CDH13: variants seen among roughly 807,000 people sequenced by gnomAD.
The protein encoded by CDH13 is cadherin-13.
In CDH13, 24 loss-of-function variants were observed where a neutral mutation model predicts 63.8. The observed-to-expected ratio is 0.38, with a 90% CI of 0.27 to 0.53. The LOEUF is 0.53. CDH13 is among the 20% of genes least tolerant of loss of function. The pLI is 0.85. For synonymous variants in CDH13, 503 were observed against 355.3 expected (o/e 1.42, Z -4.67); for missense variants, 1,049 against 903.1 (o/e 1.16, Z -2.07).
intron 6 of CDH13, among the ~76,000 whole-genome samples, chr16:83,409,097 C>T (rs544897874): frequency 4.6e-5 from 7 of 152,036 alleles, no homozygotes; most frequent in Non-Finnish European, 7.4e-5. Context: ...GTACAGGAAA[C>T]ACCAGTAGAA....
intron 1 of CDH13, among the ~76,000 whole-genome samples, chr16:82,667,395 C>G (rs1597265668): frequency 6.6e-6 from 1 of 152,178 alleles, no homozygotes; most frequent in African/African-American, 2.4e-5. Context: ...AGAGCTTTGT[C>G]CCTGAGAAGC....
At chr16:83,101,095 C>G (rs977805997) in intron 3 of CDH13, among the ~76,000 whole-genome samples, 2 of 151,932 alleles carry the variant, frequency 1.3e-5, no homozygotes, top group East Asian at 1.9e-4. Context: ...GGTCTAGGCA[C>G]AGGGGTACAG....
chr16:82,670,703 T>C (rs1023120973), intron 1 of CDH13, among the ~76,000 whole-genome samples: 3 of 152,226 alleles, frequency 2.0e-5, no homozygotes, highest in Non-Finnish European at 2.9e-5. Flanking sequence ...ATGAAACTTA[T>C]AGACACATCC....
At chr16:83,770,273 C>G in intron 11 of CDH13, among the ~76,000 whole-genome samples, 1 of 152,202 alleles carries the variant, frequency 6.6e-6, no homozygotes, top group East Asian at 1.9e-4. Flanking sequence ...GTACCAACCA[C>G]AAGCACCAAA....
At chr16:83,464,911 G>T (rs1009664857) in intron 6 of CDH13, among the ~76,000 whole-genome samples, 9 of 152,154 alleles carry the variant, frequency 5.9e-5, no homozygotes, top group African/African-American at 2.2e-4. Flanking sequence ...CCAAAGTACT[G>T]AGATTACAGG....
At chr16:82,904,083 C>T (rs998355314) in intron 2 of CDH13, among the ~76,000 whole-genome samples, 5 of 151,886 alleles carry the variant, frequency 3.3e-5, no homozygotes, top group African/African-American at 1.2e-4. Flanking sequence ...TTAACTGGTG[C>T]TAATTATGAT....
chr16:82,701,861 C>A (rs1467105338), intron 1 of CDH13, among the ~76,000 whole-genome samples: 1 of 152,192 alleles, frequency 6.6e-6, no homozygotes, highest in African/African-American at 2.4e-5. Context: ...AGTCACCTCC[C>A]CTCTTCTGAA....
At chr16:83,789,203 C>G (rs1408117224) in intron 13 of CDH13, among the ~76,000 whole-genome samples, 1 of 152,134 alleles carries the variant, frequency 6.6e-6, no homozygotes, top group African/African-American at 2.4e-5. Flanking sequence ...AAGCAGACAT[C>G]AAAGTGGCCG....
chr16:83,463,196 C>G (rs1411612006), intron 6 of CDH13, among the ~76,000 whole-genome samples: 1 of 152,194 alleles, frequency 6.6e-6, no homozygotes, highest in African/African-American at 2.4e-5. Flanking sequence ...GCTGAATGAA[C>G]AGCAGGGACC....
intron 5 of CDH13, among the ~76,000 whole-genome samples, chr16:83,281,486 T>C (rs1273895681): frequency 2.0e-5 from 3 of 152,234 alleles, no homozygotes; most frequent in South Asian, 2.1e-4. Flanking sequence ...TCCTTGCCAT[T>C]CATGTGTTTA....
intron 7 of CDH13, among the ~76,000 whole-genome samples, chr16:83,555,500 A>G (rs2075583479): frequency 2.0e-5 from 3 of 152,200 alleles, no homozygotes. Flanking sequence ...TTGGATTTCC[A>G]GTGTTCACTG....
intron 1 of CDH13, among the ~76,000 whole-genome samples, chr16:82,635,701 G>T (rs1018898649): frequency 6.6e-6 from 1 of 152,162 alleles, no homozygotes; most frequent in African/African-American, 2.4e-5. Flanking sequence ...AGATGGGGCA[G>T]GTGATTGAAG....
intron 10 of CDH13, among the ~76,000 whole-genome samples, chr16:83,712,717 T>C (rs2150925119): frequency 6.6e-6 from 1 of 152,336 alleles, no homozygotes; most frequent in African/African-American, 2.4e-5. Context: ...ATATTGCCAC[T>C]TGAGTTTCAG....
chr16:83,156,565 T>C (rs2037214993), intron 4 of CDH13, among the ~76,000 whole-genome samples: 1 of 152,182 alleles, frequency 6.6e-6, no homozygotes, highest in African/African-American at 2.4e-5. Context: ...GTTGTGGTTG[T>C]TGCACAAAGG....
At chr16:83,036,245 G>A (rs1247715287) in intron 3 of CDH13, among the ~76,000 whole-genome samples, 2 of 150,288 alleles carry the variant, frequency 1.3e-5, no homozygotes, top group Non-Finnish European at 2.9e-5. Flanking sequence ...CACCTCCTGG[G>A]TTCAAGTGAT....
chr16:83,656,470 G>C (rs536264948), intron 8 of CDH13, among the ~76,000 whole-genome samples: 116 of 152,276 alleles, frequency 7.6e-4, no homozygotes, highest in Admixed American at 1.8e-3. Flanking sequence ...CCAGGGTTGG[G>C]GGTGTGAGTG....
chr16:83,503,071 T>C (rs1000591048), intron 7 of CDH13, among the ~76,000 whole-genome samples: 2 of 152,210 alleles, frequency 1.3e-5, no homozygotes, highest in Admixed American at 1.3e-4. Flanking sequence ...AGAGAGGGGC[T>C]CCTTGCCTCC....
At chr16:83,098,672 G>A (rs1209301590) in intron 3 of CDH13, among the ~76,000 whole-genome samples, 1 of 152,144 alleles carries the variant, frequency 6.6e-6, no homozygotes, top group African/African-American at 2.4e-5. Context: ...CATTTCAACG[G>A]TTCACTCCAT....
chr16:83,448,648 G>C (rs564405473), intron 6 of CDH13, among the ~76,000 whole-genome samples: 128 of 152,252 alleles, frequency 8.4e-4, no homozygotes, highest in African/African-American at 3.0e-3. Flanking sequence ...TCTTCATGAT[G>C]ATTTATAGAA....
Sources: gnomAD v4.1 joint callset for allele counts (sites outside exome capture counted in the v4.1 genomes callset) on GRCh38, gnomAD v4.1.1 for gene constraint, MANE v1.5 for transcripts, NCBI Gene and HGNC (gene_info 2026-07-23, HGNC 2026-07-21) for gene names.